DAPK2: variants seen among roughly 807,000 people sequenced by gnomAD.
DAPK2 encodes death-associated protein kinase 2.
Under a neutral mutation model 44.1 loss-of-function variants are expected in DAPK2, and 35 were observed. The observed-to-expected ratio is 0.79, with a 90% CI of 0.61 to 1.05. The LOEUF (loss-of-function observed/expected upper bound fraction) is 1.05. DAPK2 is among the 50% of genes least tolerant of loss of function. DAPK2 has a pLI of 0.00. For missense variants in DAPK2, 453 were observed against 483.2 expected (o/e 0.94, Z 0.59); for synonymous variants, 174 against 182.6 (o/e 0.95, Z 0.38).
At position 64,013,569 on chromosome 15, in the gene DAPK2, G is replaced by A. The variant is rs2079444721; in HGVS notation, c.92+26601C>T. Among the ~76,000 whole-genome samples the A allele has an allele frequency of 6.6e-6, 1 of 152,208 alleles. No individual in the cohort carries two copies. The highest frequency in any genetic ancestry group is 1.5e-5 in the Non-Finnish European group (1 of 68,034). ...TAAAAGTAGAAAAACCTAAGGGCTA[G>A]AAAGGCCCTGAGATACCATCTAGCC... On this transcript the variant is annotated intron_variant, in intron 1 of 10. Transcript: ENST00000261891. This position sits in a 1 kb window ranked among gnomAD's most constrained non-coding sequence, Gnocchi z 4.7.
intron 3 of DAPK2, among the ~76,000 whole-genome samples, chr15:63,965,418 T>G (rs2078027079): frequency 1.3e-5 from 2 of 152,172 alleles, no homozygotes; most frequent in African/African-American, 2.4e-5. Flanking sequence ...GAAGCCAGCA[T>G]GGCCCTGGGT....
Position 63,912,889 on chromosome 15 carries a change from G to T in DAPK2, c.859-692C>A, listed in dbSNP as rs573849906. On this transcript the variant is annotated intron_variant, in intron 8 of 10. Coordinates refer to ENST00000261891, the Ensembl canonical transcript of DAPK2. This position sits in a 1 kb window ranked among gnomAD's most constrained non-coding sequence, Gnocchi z 4.4. ...AATAAGTTATTGTGAGCTTTCCTGCGTTCTCCATTCCCTTTTCAACACCCC... is the reference window on the plus strand; with the variant it reads ...AATAAGTTATTGTGAGCTTTCCTGCTTTCTCCATTCCCTTTTCAACACCCC... Among the ~76,000 whole-genome samples the T allele has an allele frequency of 5.9e-5, 9 of 152,130 alleles. No individual in the cohort carries two copies. The highest frequency in any genetic ancestry group is 5.2e-4 in the Admixed American group (8 of 15,272).
At position 64,040,107 on chromosome 15, in the gene DAPK2, G is replaced by C. The variant is rs879180502; in HGVS notation, c.92+63C>G. The C allele has an allele frequency of 1.6e-4, 217 of 1,323,434 alleles. No individual in the cohort carries two copies. In the South Asian group the frequency reaches 2.4e-3, roughly 15 times the overall value. 82.0% of individuals were successfully genotyped at this position (1,323,434 alleles called of 1,614,324 possible). On this transcript the variant is annotated intron_variant, in intron 1 of 10. Transcript: ENST00000261891. ...TGCCTTCCAACACCAACTGACAACT[G>C]TGCCAGAAGAAGCATGACTTTGGCT...
intron 3 of DAPK2, among the ~76,000 whole-genome samples, chr15:63,946,577 C>T (rs865774022): frequency 1.3e-5 from 2 of 152,200 alleles, no homozygotes; most frequent in South Asian, 2.1e-4. Flanking sequence ...TCATTCTTTT[C>T]TGGGATGCAG....
intron 2 of DAPK2, among the ~76,000 whole-genome samples, chr15:63,983,131 C>T (rs141647874): frequency 2.0e-5 from 3 of 152,318 alleles, no homozygotes; most frequent in African/African-American, 7.2e-5. Context: ...TACTTCCCCT[C>T]CTCATAGTAC....
At chr15:63,951,184 T>C (rs2077575918) in intron 3 of DAPK2, among the ~76,000 whole-genome samples, 1 of 152,144 alleles carries the variant, frequency 6.6e-6, no homozygotes, top group South Asian at 2.1e-4. Context: ...TCAAGTTGGA[T>C]CAGGCTTGGG....
At chr15:64,003,176 G>A (rs193135376) in intron 1 of DAPK2, among the ~76,000 whole-genome samples, 3 of 152,242 alleles carry the variant, frequency 2.0e-5, no homozygotes, top group Admixed American at 2.0e-4. Flanking sequence ...TCTCAGGGGA[G>A]ACCCCTTGAG....
At chr15:64,045,364 A>G (rs1409147911) in intron 1 of DAPK2, among the ~76,000 whole-genome samples, 1 of 152,200 alleles carries the variant, frequency 6.6e-6, no homozygotes, top group East Asian at 1.9e-4. Flanking sequence ...CCAAGGCACC[A>G]CGGCCTCTTA....
At chr15:64,008,895 C>T (rs551267923) in intron 1 of DAPK2, among the ~76,000 whole-genome samples, 5 of 152,150 alleles carry the variant, frequency 3.3e-5, no homozygotes, top group Non-Finnish European at 7.4e-5. Context: ...CACAGAGCTG[C>T]AGCATCACCA....
chr15:63,966,175 T>G lies in DAPK2; in HGVS notation c.453+5248A>C, dbSNP rs1005890147. ...TCCTGCCAGGACTGGGTCCTTCCCTTCAAGGCAGTGGATTCCCTTCTGGCT... is the reference window on the plus strand; with the variant it reads ...TCCTGCCAGGACTGGGTCCTTCCCTGCAAGGCAGTGGATTCCCTTCTGGCT... On this transcript the variant is annotated intron_variant, in intron 3 of 10. Transcript: ENST00000261891. The surrounding 1 kb of genome is among the most constrained non-coding windows in gnomAD (Gnocchi z 5.5). 2.6e-5 allele frequency among the ~76,000 whole-genome samples: 4 copies of G among 152,198 alleles called. No homozygotes were observed. In the East Asian group the frequency reaches 7.7e-4, roughly 29 times the overall value.
At chr15:64,045,503 C>T (rs758159536) in intron 1 of DAPK2, among the ~76,000 whole-genome samples, 1 of 152,204 alleles carries the variant, frequency 6.6e-6, no homozygotes, top group Non-Finnish European at 1.5e-5. Context: ...TGCACCTGCC[C>T]GCTTGCCCCC....
intron 1 of DAPK2, among the ~76,000 whole-genome samples, chr15:64,016,612 G>C (rs2079532524): frequency 6.6e-6 from 1 of 152,134 alleles, no homozygotes. Context: ...TAGGCAAGTA[G>C]CAAGACCCTG....
At position 63,991,154 on chromosome 15, in the gene DAPK2, G is replaced by A. The variant is rs544645014; in HGVS notation, c.93-7400C>T. 5.2e-5 allele frequency: 23 copies of A among 442,592 alleles called. No individual in the cohort carries two copies. In the East Asian group the frequency reaches 9.8e-4, roughly 19 times the overall value. 27.4% of individuals were successfully genotyped at this position (442,592 alleles called of 1,614,324 possible). On this transcript the variant is annotated intron_variant, in intron 1 of 10. Coordinates refer to ENST00000261891, the Ensembl canonical transcript of DAPK2. ...CCAAAACAGAGTGAAGAAATATAAC[G>A]TTATCTGAGGTCAGAGCAGGAAACA...
intron 8 of DAPK2, among the ~76,000 whole-genome samples, chr15:63,914,140 C>A (rs2078865496): frequency 6.6e-6 from 1 of 152,096 alleles, no homozygotes. Context: ...CCTGGTCAGC[C>A]CAGTCACACC....
At chr15:64,024,880 C>T (rs941655783) in intron 1 of DAPK2, among the ~76,000 whole-genome samples, 1 of 152,214 alleles carries the variant, frequency 6.6e-6, no homozygotes. Flanking sequence ...GCCCTGTGGC[C>T]AGGCCACCAG....
At chr15:64,019,989 C>T (rs2079638884) in intron 1 of DAPK2, among the ~76,000 whole-genome samples, 1 of 152,182 alleles carries the variant, frequency 6.6e-6, no homozygotes, top group African/African-American at 2.4e-5. Flanking sequence ...AGGCACTGGT[C>T]ACAGACTTGG....
At chr15:64,036,523 A>G (rs1227403124) in intron 1 of DAPK2, among the ~76,000 whole-genome samples, 1 of 151,430 alleles carries the variant, frequency 6.6e-6, no homozygotes, top group African/African-American at 2.4e-5. Flanking sequence ...CCCAAAGGAT[A>G]ACCACCATTC....
chr15:63,979,660 C>G (rs1036346154), intron 2 of DAPK2, among the ~76,000 whole-genome samples: 4 of 152,148 alleles, frequency 2.6e-5, no homozygotes, highest in African/African-American at 9.7e-5. Context: ...TGCCTGTAAT[C>G]CTAGCACTTT....
At chr15:64,036,273 A>ATG (rs1214937871) in intron 1 of DAPK2, among the ~76,000 whole-genome samples, 56 of 44,008 alleles carry the variant, frequency 1.3e-3, no homozygotes, top group African/African-American at 2.9e-3. Context: ...ATATATATAT[A>ATG]TGTGTGTGTG....
Sources: gnomAD v4.1 joint callset for allele counts (sites outside exome capture counted in the v4.1 genomes callset) on GRCh38, gnomAD v4.1.1 for gene constraint, Gnocchi (gnomAD v3.1) non-coding constraint, MANE v1.5 for transcripts, NCBI Gene and HGNC (gene_info 2026-07-23, HGNC 2026-07-21) for gene names.